SH3BGRL2: variants seen among roughly 807,000 people sequenced by gnomAD.
The protein encoded by SH3BGRL2 is SH3 domain-binding glutamic acid-rich-like protein 2.
Under a neutral mutation model 14.8 loss-of-function variants are expected in SH3BGRL2, and 21 were observed. That is an observed-to-expected ratio of 1.42 (90% confidence interval 1.01 to 2.05). SH3BGRL2 has a LOEUF of 2.05. SH3BGRL2 is among the 30% of genes most tolerant of loss of function. The pLI is 0.00. For synonymous variants in SH3BGRL2, 50 were observed against 47.8 expected (o/e 1.05, Z -0.19); for missense variants, 147 against 130.8 (o/e 1.12, Z -0.61).
chr6:79,665,103 G>A (rs976498666), intron 1 of SH3BGRL2, among the ~76,000 whole-genome samples: 7 of 152,196 alleles, frequency 4.6e-5, no homozygotes, highest in Non-Finnish European at 1.0e-4. Context: ...AGGAGGTTGA[G>A]ACAGGAAAAT....
At chr6:79,669,855 A>C (rs1001362475) in intron 1 of SH3BGRL2, among the ~76,000 whole-genome samples, 2 of 152,094 alleles carry the variant, frequency 1.3e-5, no homozygotes, top group Non-Finnish European at 2.9e-5. Context: ...GGAAGTAGAG[A>C]GTTCTGGGGT....
chr6:79,556,245 C>T, the SH3BGRL2 span, among the ~76,000 whole-genome samples: 1 of 152,008 alleles, frequency 6.6e-6, no homozygotes, highest in Non-Finnish European at 1.5e-5. Context: ...GTAAGCACAT[C>T]TAAAAGACAA....
chr6:79,585,651 T>C, the SH3BGRL2 span, among the ~76,000 whole-genome samples: 1 of 152,344 alleles, frequency 6.6e-6, no homozygotes, highest in African/African-American at 2.4e-5. Flanking sequence ...AATTCAAATA[T>C]TGCTCACTCT....
the SH3BGRL2 span, among the ~76,000 whole-genome samples, chr6:79,540,887 G>T: frequency 1.3e-5 from 2 of 152,164 alleles, no homozygotes; most frequent in South Asian, 2.1e-4. Context: ...ATGGAGGTAG[G>T]ATCAAGTGGA....
chr6:79,622,073 C>A, the SH3BGRL2 span, among the ~76,000 whole-genome samples: 67 of 152,132 alleles, frequency 4.4e-4, no homozygotes, highest in Middle Eastern at 3.4e-3. Context: ...TGTAATAAAC[C>A]TGGTTTAACC....
chr6:79,684,453 T>G (rs908685013), intron 2 of SH3BGRL2, among the ~76,000 whole-genome samples: 1 of 152,186 alleles, frequency 6.6e-6, no homozygotes, highest in Non-Finnish European at 1.5e-5. Context: ...CCTATTTATC[T>G]TAGTATCTGG....
chr6:79,684,231 A>G (rs898805047), intron 2 of SH3BGRL2, among the ~76,000 whole-genome samples: 2 of 152,166 alleles, frequency 1.3e-5, no homozygotes, highest in African/African-American at 2.4e-5. Context: ...TACATCCTCC[A>G]TAATTCTGCC....
At chr6:79,541,501 A>C in the SH3BGRL2 span, among the ~76,000 whole-genome samples, 353 of 152,282 alleles carry the variant, frequency 2.3e-3, 5 homozygotes, top group Non-Finnish European at 4.2e-3. Context: ...TATTTAAGGC[A>C]GGCTTTCCCT....
chr6:79,628,942 G>A (rs925813654), upstream of SH3BGRL2, among the ~76,000 whole-genome samples: 2 of 152,168 alleles, frequency 1.3e-5, no homozygotes, highest in African/African-American at 4.8e-5. Flanking sequence ...CTCAAGAGCA[G>A]GGATATAGGA....
chr6:79,623,333 CG>C, the SH3BGRL2 span, among the ~76,000 whole-genome samples: 3 of 151,612 alleles, frequency 2.0e-5, no homozygotes, highest in Middle Eastern at 3.4e-3. Flanking sequence ...GATTTACAAT[CG>C]GGGGCAATTA....
intron 2 of SH3BGRL2, among the ~76,000 whole-genome samples, chr6:79,675,296 C>G (rs1769858197): frequency 6.6e-6 from 1 of 152,142 alleles, no homozygotes; most frequent in African/African-American, 2.4e-5. Flanking sequence ...GATATTGATT[C>G]AGTGTCCTCT....
At chr6:79,542,614 C>A in the SH3BGRL2 span, among the ~76,000 whole-genome samples, 3 of 152,176 alleles carry the variant, frequency 2.0e-5, no homozygotes, top group Non-Finnish European at 4.4e-5. Flanking sequence ...CAACAAACTG[C>A]ATTTCCCAGA....
In SH3BGRL2 at chr6:79,673,663, T is replaced by C; in HGVS notation, c.95T>C (p.Ile32Thr). Residue 32 changes from isoleucine to threonine, a missense_variant, in exon 2 of 4, where the codon ATA becomes ACA. By Grantham distance (89) the Ile-to-Thr change is moderately conservative. Transcript: ENST00000369838. ...GTTAGATTTCTGGAAGCCAACAAGA[T>C]AGAGTTTGAGGAGGTGGATATCACA... Reference protein sequence around the residue: ...DVVRFLEANKIEFEEVDITMS... With the variant: ...DVVRFLEANKTEFEEVDITMS... 6.2e-7 allele frequency: 1 copy of C among 1,613,960 alleles called. No homozygotes were observed. The highest frequency in any genetic ancestry group is 8.5e-7 in the Non-Finnish European group (1 of 1,179,976).
At chr6:79,645,261 G>C (rs1287508288) in intron 1 of SH3BGRL2, among the ~76,000 whole-genome samples, 6 of 151,802 alleles carry the variant, frequency 4.0e-5, no homozygotes, top group African/African-American at 1.5e-4. Flanking sequence ...TCACAATCTG[G>C]TTGCAAGTCT....
the SH3BGRL2 span, among the ~76,000 whole-genome samples, chr6:79,611,394 C>T: frequency 6.7e-6 from 1 of 149,570 alleles, no homozygotes; most frequent in East Asian, 2.0e-4. Flanking sequence ...AAGTTAACTA[C>T]AGTATATAAC....
intron 2 of SH3BGRL2, among the ~76,000 whole-genome samples, chr6:79,688,156 T>C (rs1429782426): frequency 6.6e-6 from 1 of 151,832 alleles, no homozygotes; most frequent in East Asian, 1.9e-4. Context: ...CTAACAGTGG[T>C]TTTCACTTGA....
the SH3BGRL2 span, among the ~76,000 whole-genome samples, chr6:79,578,714 A>G: frequency 6.6e-6 from 1 of 152,214 alleles, no homozygotes; most frequent in African/African-American, 2.4e-5. Flanking sequence ...AGAAAAGCTG[A>G]AAATTCTAAA....
chr6:79,677,832 T>C (rs899907946), intron 2 of SH3BGRL2, among the ~76,000 whole-genome samples: 3 of 152,170 alleles, frequency 2.0e-5, no homozygotes, highest in Admixed American at 6.5e-5. Context: ...GTGAGCAGGA[T>C]TCTTCCTTCT....
At chr6:79,635,932 C>A (rs957295074) in intron 1 of SH3BGRL2, among the ~76,000 whole-genome samples, 2 of 152,160 alleles carry the variant, frequency 1.3e-5, no homozygotes, top group African/African-American at 4.8e-5. Flanking sequence ...TTCAGTGAGG[C>A]TTCCCTGTGT....
Sources: gnomAD v4.1 joint callset for allele counts (sites outside exome capture counted in the v4.1 genomes callset) on GRCh38, gnomAD v4.1.1 for gene constraint, MANE v1.5 for transcripts, NCBI Gene and HGNC (gene_info 2026-07-23, HGNC 2026-07-21) for gene names.